PHF14: variants seen among roughly 807,000 people sequenced by gnomAD.
PHF14 encodes PHD finger protein 14.
In PHF14, 55 loss-of-function variants were observed where a neutral mutation model predicts 117.9. The ratio of observed to expected loss-of-function variants is 0.47; its 90% CI spans 0.38 to 0.58. The LOEUF is 0.58. PHF14 is among the 20% of genes least tolerant of loss of function. PHF14 has a pLI of 0.00. For synonymous variants in PHF14, 409 were observed against 368.6 expected, an observed-to-expected ratio of 1.11 and a Z score of -1.26; for missense variants, 978 against 1,122.2, an observed-to-expected ratio of 0.87 and a Z score of 1.84.
At chr7:11,007,057 A>G in intron 4 of PHF14, among the ~76,000 whole-genome samples, 1 of 151,970 alleles carries the variant, frequency 6.6e-6, no homozygotes, top group Non-Finnish European at 1.5e-5. Flanking sequence ...GGCACCTGTA[A>G]TCCCAGCTAC....
intron 16 of PHF14, among the ~76,000 whole-genome samples, chr7:11,072,954 T>A (rs1207871281): frequency 6.6e-6 from 1 of 152,166 alleles, no homozygotes; most frequent in Non-Finnish European, 1.5e-5. Flanking sequence ...CCCATGGGTT[T>A]AGTGCCAAGC....
intron 3 of PHF14, among the ~76,000 whole-genome samples, chr7:10,987,415 A>G (rs1003788126): frequency 3.6e-4 from 55 of 151,344 alleles, no homozygotes; most frequent in Non-Finnish European, 1.0e-4. Flanking sequence ...ATTTACAGTC[A>G]TATGTGGAAT....
intron 14 of PHF14, among the ~76,000 whole-genome samples, chr7:11,057,339 A>G (rs183247715): frequency 4.3e-4 from 66 of 152,260 alleles, no homozygotes; most frequent in Non-Finnish European, 6.2e-4. Context: ...ATGTTTAATT[A>G]TTTGTTTTAG....
chr7:11,102,887 G>T, intron 16 of PHF14: 1 of 1,125,968 alleles, frequency 8.9e-7, no homozygotes, highest in Non-Finnish European at 1.1e-6. Flanking sequence ...GGCAAATGTT[G>T]ATACACAGTG....
At position 11,028,761 on chromosome 7, in the gene PHF14, T is replaced by C; in HGVS notation, c.1398T>C (p.Tyr466=). ...ISCDAGMCRA[Y]FHVTCAQKEG... is the part of the protein sequence containing the mutation. ...GTGATGCAGGGATGTGCAGAGCCTA[T>C]TTCCATGTGACCTGTGCTCAAAAGG... Residue 466 remains tyrosine (Y), a synonymous_variant, in exon 7 of 18, where the codon TAT becomes TAC. Transcript: ENST00000634607. 1 of 1,613,820 alleles carries C rather than the reference T, an allele frequency of 6.2e-7. No individual in the cohort carries two copies. Among genetic ancestry groups the C allele is most frequent in the Middle Eastern group, 1.6e-4 (1 of 6,062 alleles).
At chr7:11,018,999 A>T (rs1783630375) in intron 5 of PHF14, among the ~76,000 whole-genome samples, 1 of 152,168 alleles carries the variant, frequency 6.6e-6, no homozygotes, top group African/African-American at 2.4e-5. Context: ...AAATGATCAT[A>T]TGGTTTTTAT....
intron 17 of PHF14, 33 bp from the exon 18 acceptor site, chr7:11,169,383 A>G: frequency 9.7e-7 from 1 of 1,026,580 alleles, no homozygotes; most frequent in Non-Finnish European, 1.4e-6. Flanking sequence ...TCTAAAGTTT[A>G]TATTTTAATG....
intron 7 of PHF14, among the ~76,000 whole-genome samples, chr7:11,029,381 C>A (rs896818256): frequency 6.6e-6 from 1 of 152,124 alleles, no homozygotes; most frequent in South Asian, 2.1e-4. Context: ...ATGTTACTTA[C>A]TTTTCTGAAC....
intron 16 of PHF14, among the ~76,000 whole-genome samples, chr7:11,101,346 A>G (rs1787080800): frequency 6.6e-6 from 1 of 151,840 alleles, no homozygotes; most frequent in Admixed American, 6.6e-5. Flanking sequence ...TTTCTATTAT[A>G]AATGATTTGG....
At chr7:11,056,032 C>T (rs1379656219) in intron 14 of PHF14, among the ~76,000 whole-genome samples, 5 of 152,120 alleles carry the variant, frequency 3.3e-5, no homozygotes, top group African/African-American at 1.2e-4. Context: ...TTATCAGACT[C>T]AAGGTGACCT....
chr7:11,116,625 C>G (rs556533702), intron 17 of PHF14, among the ~76,000 whole-genome samples: 1 of 151,950 alleles, frequency 6.6e-6, no homozygotes, highest in South Asian at 2.1e-4. Context: ...TACTCCTGCC[C>G]ACATGGATAC....
chr7:10,987,046 C>T (rs1782248394), intron 3 of PHF14, among the ~76,000 whole-genome samples: 1 of 152,092 alleles, frequency 6.6e-6, no homozygotes, highest in African/African-American at 2.4e-5. Flanking sequence ...GCAATTGTCA[C>T]CTGATTTTTG....
intron 16 of PHF14, among the ~76,000 whole-genome samples, chr7:11,098,089 A>G (rs1224410162): frequency 6.6e-6 from 1 of 152,062 alleles, no homozygotes; most frequent in Non-Finnish European, 1.5e-5. Flanking sequence ...TTTGTTAATT[A>G]TAAAAATTTA....
At chr7:11,099,732 TA>T (rs1236999858) in intron 16 of PHF14, among the ~76,000 whole-genome samples, 1 of 152,158 alleles carries the variant, frequency 6.6e-6, no homozygotes, top group Non-Finnish European at 1.5e-5. Context: ...GTCTTATCTT[TA>T]AAATGAAGAC....
At chr7:11,134,622 C>T (rs1788168700) in intron 17 of PHF14, among the ~76,000 whole-genome samples, 1 of 152,020 alleles carries the variant, frequency 6.6e-6, no homozygotes, top group Non-Finnish European at 1.5e-5. Flanking sequence ...GATCACACAA[C>T]TTTTTGACAG....
At chr7:11,111,320 C>T (rs1204510123) in intron 16 of PHF14, 30 bp from the exon 17 acceptor site, 4 of 1,043,862 alleles carry the variant, frequency 3.8e-6, no homozygotes, top group Non-Finnish European at 5.9e-6. Flanking sequence ...TATTTAGATA[C>T]ACCTACCTAT....
intron 17 of PHF14, among the ~76,000 whole-genome samples, chr7:11,141,403 A>G (rs547126170): frequency 9.9e-5 from 15 of 152,196 alleles, no homozygotes; most frequent in African/African-American, 3.6e-4. Flanking sequence ...TTTCCCCTGT[A>G]TAGTATAGAA....
At chr7:11,065,975 A>G (rs1230092980) in intron 16 of PHF14, among the ~76,000 whole-genome samples, 1 of 152,142 alleles carries the variant, frequency 6.6e-6, no homozygotes, top group Non-Finnish European at 1.5e-5. Context: ...CTATTAAGCT[A>G]TTTCACTTTT....
intron 17 of PHF14, among the ~76,000 whole-genome samples, chr7:11,138,648 A>T (rs890518593): frequency 6.6e-6 from 1 of 152,198 alleles, no homozygotes; most frequent in Non-Finnish European, 1.5e-5. Context: ...AAATATTTTA[A>T]TTTCTGATAT....
Sources: gnomAD v4.1 joint callset for allele counts (sites outside exome capture counted in the v4.1 genomes callset) on GRCh38, gnomAD v4.1.1 for gene constraint, MANE v1.5 for transcripts, NCBI Gene and HGNC (gene_info 2026-07-23, HGNC 2026-07-21) for gene names.